Variants in ITPR1 observed in about 807,000 individuals in gnomAD.
ITPR1 encodes inositol 1,4,5-trisphosphate-gated calcium channel ITPR1.
ITPR1 carries 96 observed loss-of-function variants against 318.4 expected under a neutral mutation model. The ratio of observed to expected loss-of-function variants is 0.30; its 90% CI spans 0.26 to 0.36. The LOEUF (loss-of-function observed/expected upper bound fraction) is 0.36. ITPR1 is among the 10% of genes least tolerant of loss of function. The probability of loss-of-function intolerance (pLI) is 1.00; values close to 1 mark genes in which losing one functional copy is unlikely to be tolerated. For synonymous variants in ITPR1, 1,312 were observed against 1,289.9 expected (o/e 1.02, Z -0.37); for missense variants, 2,440 against 3,460.2 (o/e 0.71, Z 7.40).
At chr3:4,581,782 C>T (rs938499350) in intron 4 of ITPR1, among the ~76,000 whole-genome samples, 1 of 152,166 alleles carries the variant, frequency 6.6e-6, no homozygotes. Flanking sequence ...CATTCTGAGG[C>T]TTTTCTGGTG....
intron 2 of ITPR1, among the ~76,000 whole-genome samples, chr3:4,504,486 C>T (rs1019169021): frequency 1.3e-5 from 2 of 152,210 alleles, no homozygotes; most frequent in African/African-American, 2.4e-5. Flanking sequence ...TTCTATGCTC[C>T]CAGAGAAGTG....
intron 12 of ITPR1, among the ~76,000 whole-genome samples, chr3:4,654,529 G>A (rs1339102349): frequency 6.6e-6 from 1 of 152,194 alleles, no homozygotes; most frequent in Admixed American, 6.5e-5. Flanking sequence ...AGAAGGCAGC[G>A]GTTGTGTTAC....
chr3:4,793,874 G>T (rs983885164), intron 52 of ITPR1, among the ~76,000 whole-genome samples: 1 of 152,150 alleles, frequency 6.6e-6, no homozygotes, highest in East Asian at 1.9e-4. Context: ...CATGATATGG[G>T]CGATTAATAA....
At chr3:4,498,900 G>A (rs568780759) in intron 2 of ITPR1, among the ~76,000 whole-genome samples, 1 of 152,330 alleles carries the variant, frequency 6.6e-6, no homozygotes, top group Admixed American at 6.5e-5. Context: ...GCATCCTTGA[G>A]GAATTAGAAG....
At chr3:4,770,012 G>C (rs1304026790) in intron 46 of ITPR1, among the ~76,000 whole-genome samples, 1 of 152,212 alleles carries the variant, frequency 6.6e-6, no homozygotes, top group Non-Finnish European at 1.5e-5. Flanking sequence ...AATGGTGTGA[G>C]GATGAACAAG....
At chr3:4,713,094 G>A (rs2041504252) in intron 39 of ITPR1, among the ~76,000 whole-genome samples, 1 of 152,114 alleles carries the variant, frequency 6.6e-6, no homozygotes, top group African/African-American at 2.4e-5. Context: ...AAAAGGTGGG[G>A]GGTACGGGGG....
intron 4 of ITPR1, among the ~76,000 whole-genome samples, chr3:4,584,629 T>G (rs1394815689): frequency 6.6e-6 from 1 of 151,954 alleles, no homozygotes; most frequent in African/African-American, 2.4e-5. Context: ...AGGAAACGTT[T>G]TTCCCTCCCA....
At position 4,836,816 on chromosome 3, in the gene ITPR1, T is replaced by C. The variant is rs1402569437; in HGVS notation, c.8071T>C (p.Leu2691=). 3.3e-6 allele frequency: 5 copies of C among 1,501,774 alleles called. No individual in the cohort carries two copies. The highest frequency in any genetic ancestry group is 2.8e-5 in the African/African-American group (2 of 72,378). The allele number at this position is 1,501,774 out of a possible 1,614,324, so 93.0% of individuals were successfully genotyped here. The stretch of plus-strand genomic sequence containing the variant: ...GTTCCCCAGGATGAGAGCCATGTCA[T>C]TGGTCAGCAGTGATTCTGAAGGAGA... ...DWFPRMRAMS[L]VSSDSEGEQN... is the part of the protein sequence containing the mutation. The change falls in exon 61 of 62, where the codon TTG becomes CTG. Residue 2691 remains leucine, a synonymous_variant. Coordinates refer to ENST00000649015, the MANE Select transcript of ITPR1 (RefSeq NM_001378452.1).
intron 4 of ITPR1, among the ~76,000 whole-genome samples, chr3:4,554,885 G>T (rs949384497): frequency 6.6e-6 from 1 of 152,072 alleles, no homozygotes; most frequent in African/African-American, 2.4e-5. Flanking sequence ...AGCAAAAATG[G>T]CAATAAAAGA....
chr3:4,672,859 G>A (rs768833130), intron 20 of ITPR1, among the ~76,000 whole-genome samples: 4 of 152,180 alleles, frequency 2.6e-5, no homozygotes, highest in African/African-American at 4.8e-5. Context: ...AGGACCTAGT[G>A]GAATTAGGTC....
At chr3:4,681,180 C>T (rs1278876683) in intron 25 of ITPR1, among the ~76,000 whole-genome samples, 184 bp from the exon 26 acceptor site, 4 of 151,918 alleles carry the variant, frequency 2.6e-5, no homozygotes, top group African/African-American at 9.7e-5. Context: ...GAGGAAGGGG[C>T]AGGAATGTGG....
intron 18 of ITPR1, 144 bp downstream of exon 18, chr3:4,667,693 T>C (rs1038435692): frequency 3.0e-6 from 2 of 668,464 alleles, no homozygotes; most frequent in Non-Finnish European, 4.7e-6. Context: ...TGATGAGTAG[T>C]GGCAAGAACT....
chr3:4,700,057 A>G, intron 35 of ITPR1, 116 bp downstream of exon 35: 3 of 862,484 alleles, frequency 3.5e-6, no homozygotes, highest in Non-Finnish European at 5.4e-6. Flanking sequence ...CATTAATACA[A>G]GATATATTTC....
At chr3:4,627,108 A>C (rs2092854202) in intron 4 of ITPR1, among the ~76,000 whole-genome samples, 2 of 152,082 alleles carry the variant, frequency 1.3e-5, no homozygotes, top group Admixed American at 1.3e-4. Context: ...GGCATGAGCC[A>C]CCGTGCCGGG....
intron 3 of ITPR1, among the ~76,000 whole-genome samples, chr3:4,517,203 C>G (rs2082233481): frequency 6.6e-6 from 1 of 152,174 alleles, no homozygotes; most frequent in Non-Finnish European, 1.5e-5. Context: ...CTCCCGTCTC[C>G]TCCTACGCCT....
chr3:4,789,797 T>C (rs1475453902), intron 52 of ITPR1, among the ~76,000 whole-genome samples: 1 of 152,118 alleles, frequency 6.6e-6, no homozygotes, highest in African/African-American at 2.4e-5. Context: ...TTTTTGTATT[T>C]GTAATAGAGA....
intron 46 of ITPR1, among the ~76,000 whole-genome samples, chr3:4,773,215 T>C (rs2046297487): frequency 6.6e-6 from 1 of 152,154 alleles, no homozygotes; most frequent in African/African-American, 2.4e-5. Context: ...TTAGACCACA[T>C]CCTGAAGGAA....
chr3:4,833,982 C>T (rs1056232868), intron 60 of ITPR1, among the ~76,000 whole-genome samples: 5 of 152,222 alleles, frequency 3.3e-5, no homozygotes, highest in African/African-American at 1.2e-4. Context: ...GCTTCGACCT[C>T]CTGGGCTCAA....
In ITPR1 at chr3:4,688,481, C is replaced by T. The variant is rs1214443222; in HGVS notation, c.3703-14C>T. On this transcript the variant is annotated splice_polypyrimidine_tract_variant and intron_variant, in intron 30 of 61. Coordinates refer to ENST00000649015, the MANE Select transcript of ITPR1 (RefSeq NM_001378452.1). ...CCCAGCAATCAGTGCTTTCATCTGT[C>T]TCCTCCCACACAGGCCGAAGATACC... 2 of 1,613,272 alleles carry T rather than the reference C, an allele frequency of 1.2e-6. No homozygotes were observed. The highest frequency in any genetic ancestry group is 1.7e-6 in the Non-Finnish European group (2 of 1,179,412).
Sources: gnomAD v4.1 joint callset for allele counts (sites outside exome capture counted in the v4.1 genomes callset) on GRCh38, gnomAD v4.1.1 for gene constraint, MANE v1.5 for transcripts, NCBI Gene and HGNC (gene_info 2026-07-23, HGNC 2026-07-21) for gene names.